Variants in CNTN5 observed in about 807,000 individuals in gnomAD.
The protein encoded by CNTN5 is contactin 5, also known as contactin-5.
A neutral mutation model predicts 129.1 loss-of-function variants in CNTN5; 77 were observed. The ratio of observed to expected loss-of-function variants is 0.60; its 90% CI spans 0.50 to 0.72. The LOEUF is 0.72. CNTN5 is among the 30% of genes least tolerant of loss of function. The pLI is 0.00. For missense variants in CNTN5, 1,478 were observed against 1,328.8 expected, an observed-to-expected ratio of 1.11 and a Z score of -1.75; for synonymous variants, 509 against 465.6, an observed-to-expected ratio of 1.09 and a Z score of -1.20.
chr11:99,816,094 A>G (rs1946577604), intron 3 of CNTN5, among the ~76,000 whole-genome samples: 1 of 152,312 alleles, frequency 6.6e-6, no homozygotes, highest in Non-Finnish European at 1.5e-5. Context: ...GACTATAGCT[A>G]GAGAACACTG....
At chr11:99,635,218 TAC>T (rs1195691685) in intron 3 of CNTN5, among the ~76,000 whole-genome samples, 4 of 152,198 alleles carry the variant, frequency 2.6e-5, no homozygotes, top group African/African-American at 7.2e-5. Context: ...ATGTGAAAAT[TAC>T]AGAGTGTTCT....
intron 1 of CNTN5, among the ~76,000 whole-genome samples, chr11:99,043,310 G>C (rs1336934082): frequency 1.8e-5 from 2 of 113,634 alleles, no homozygotes; most frequent in Non-Finnish European, 3.3e-5. Flanking sequence ...ACAGTCCCCA[G>C]AGTGTGATAT....
chr11:99,848,372 T>G (rs1202773718), intron 6 of CNTN5, among the ~76,000 whole-genome samples: 1 of 152,152 alleles, frequency 6.6e-6, no homozygotes, highest in African/African-American at 2.4e-5. Context: ...CTTATTACTT[T>G]TGTCACATTT....
chr11:99,281,754 T>C (rs546241150), intron 1 of CNTN5, among the ~76,000 whole-genome samples: 5 of 152,192 alleles, frequency 3.3e-5, no homozygotes, highest in Admixed American at 6.6e-5. Flanking sequence ...TTATATGTTT[T>C]GTTGACTAAT....
intron 3 of CNTN5, among the ~76,000 whole-genome samples, chr11:99,818,111 A>G (rs1000845399): frequency 1.3e-5 from 2 of 152,178 alleles, no homozygotes; most frequent in Admixed American, 1.3e-4. Flanking sequence ...TGCTTTTTGC[A>G]TTCTAAAATA....
chr11:99,355,993 A>T (rs1384461729), intron 2 of CNTN5, among the ~76,000 whole-genome samples: 1 of 151,360 alleles, frequency 6.6e-6, no homozygotes, highest in Non-Finnish European at 1.5e-5. Flanking sequence ...CACCCAGCTA[A>T]TTTTTTGTAT....
chr11:100,091,765 G>C (rs1247127691), intron 13 of CNTN5, among the ~76,000 whole-genome samples: 9 of 152,018 alleles, frequency 5.9e-5, no homozygotes, highest in Admixed American at 3.9e-4. Flanking sequence ...AACTAAAATT[G>C]AATCAGGGGG....
chr11:99,974,211 A>T (rs998302922), intron 8 of CNTN5, among the ~76,000 whole-genome samples: 1 of 152,164 alleles, frequency 6.6e-6, no homozygotes, highest in Non-Finnish European at 1.5e-5. Context: ...TTTTCTAGGT[A>T]AAGAACCTGT....
At chr11:99,538,811 T>C (rs1947994048) in intron 2 of CNTN5, among the ~76,000 whole-genome samples, 1 of 152,102 alleles carries the variant, frequency 6.6e-6, no homozygotes, top group Non-Finnish European at 1.5e-5. Flanking sequence ...CAATTAATCT[T>C]GTACTAAAAA....
rs751005882 is a variant in CNTN5 at position 99,657,601 on chromosome 11, C to T, written c.55+101332C>T. 2.6e-5 allele frequency among the ~76,000 whole-genome samples: 4 copies of T among 152,098 alleles called. No individual in the cohort carries two copies. In the East Asian group the frequency reaches 7.7e-4, roughly 29 times the overall value. On this transcript the variant is annotated intron_variant, in intron 3 of 24. Transcript: ENST00000524871. ...TTTTGTGTGTTTCATAGGAAGGTTT[C>T]GCTTTTGTTTGTTTTTTTAAAAACC...
At chr11:99,034,385 A>G (rs1441297472) in intron 1 of CNTN5, among the ~76,000 whole-genome samples, 1 of 151,740 alleles carries the variant, frequency 6.6e-6, no homozygotes, top group Admixed American at 6.6e-5. Flanking sequence ...TTCGGCTGTG[A>G]ATCCATCTGG....
At chr11:99,103,500 TA>T (rs1300990047) in intron 1 of CNTN5, among the ~76,000 whole-genome samples, 8 of 152,142 alleles carry the variant, frequency 5.3e-5, no homozygotes, top group African/African-American at 1.9e-4. Context: ...ATGTGGACCT[TA>T]ACAATTTTTT....
intron 3 of CNTN5, among the ~76,000 whole-genome samples, chr11:99,682,583 T>A (rs1953606079): frequency 6.6e-6 from 1 of 151,776 alleles, no homozygotes; most frequent in South Asian, 2.1e-4. Flanking sequence ...AAACAGAAAG[T>A]ATACCAAAAA....
rs374992441 is a variant in CNTN5 at position 100,114,172 on chromosome 11, A to G, written c.1580+39878A>G. ...TACCTGATGTGTTCCACTGTATGAG[A>G]TCAAAAATAGACAGTGTTATCTTTG... On this transcript the variant is annotated intron_variant, in intron 13 of 24. Coordinates refer to ENST00000524871, the MANE Select transcript of CNTN5 (RefSeq NM_014361.4). 2.4e-4 allele frequency among the ~76,000 whole-genome samples: 37 copies of G among 152,232 alleles called. No individual in the cohort carries two copies. In the East Asian group the frequency reaches 4.6e-3, roughly 19 times the overall value.
At chr11:99,705,946 C>G (rs1954737358) in intron 3 of CNTN5, among the ~76,000 whole-genome samples, 1 of 151,384 alleles carries the variant, frequency 6.6e-6, no homozygotes, top group African/African-American at 2.4e-5. Flanking sequence ...GTTGGGATAG[C>G]TCAGACAAGC....
chr11:99,283,394 A>T (rs939975076), intron 1 of CNTN5, among the ~76,000 whole-genome samples: 1 of 151,780 alleles, frequency 6.6e-6, no homozygotes, highest in Non-Finnish European at 1.5e-5. Context: ...ACACACATGC[A>T]CATGTGCACA....
At chr11:99,443,002 A>G (rs1943899545) in intron 2 of CNTN5, among the ~76,000 whole-genome samples, 1 of 152,240 alleles carries the variant, frequency 6.6e-6, no homozygotes, top group African/African-American at 2.4e-5. Context: ...TATGATGTCT[A>G]GCACTGTGTT....
chr11:99,930,676 TAAAC>T (rs1286703308), intron 7 of CNTN5, among the ~76,000 whole-genome samples: 6 of 152,192 alleles, frequency 3.9e-5, no homozygotes, highest in African/African-American at 1.4e-4. Context: ...CCAATTCAAA[TAAAC>T]AAGAGATTTC....
At chr11:99,028,733 T>C (rs1441656486) in intron 1 of CNTN5, among the ~76,000 whole-genome samples, 4 of 151,892 alleles carry the variant, frequency 2.6e-5, no homozygotes, top group Admixed American at 1.3e-4. Flanking sequence ...GCTGAGATGC[T>C]GTGGAAAAAA....
Sources: gnomAD v4.1 joint callset for allele counts (sites outside exome capture counted in the v4.1 genomes callset) on GRCh38, gnomAD v4.1.1 for gene constraint, MANE v1.5 for transcripts, NCBI Gene and HGNC (gene_info 2026-07-23, HGNC 2026-07-21) for gene names.